The following LAMA2 variants were observed in gnomAD, a reference collection of about 807,000 sequenced individuals.
The protein encoded by LAMA2 is laminin subunit alpha-2.
In LAMA2, 269 loss-of-function variants were observed where a neutral mutation model predicts 364.8. The ratio of observed to expected loss-of-function variants is 0.74; its 90% CI spans 0.67 to 0.82. The LOEUF (loss-of-function observed/expected upper bound fraction) is 0.82. Among genes scored for constraint, LAMA2 ranks in the 40% least tolerant of loss-of-function variants. The probability of loss-of-function intolerance (pLI) is 0.00; values close to 1 mark genes in which losing one functional copy is unlikely to be tolerated. For missense variants in LAMA2, 3,807 were observed against 3,873.2 expected (o/e 0.98, Z 0.45); for synonymous variants, 1,379 against 1,370.6 (o/e 1.01, Z -0.14).
chr6:129,313,390 C>T (rs1003251953), intron 23 of LAMA2, among the ~76,000 whole-genome samples: 1 of 152,018 alleles, frequency 6.6e-6, no homozygotes, highest in Admixed American at 6.6e-5. Flanking sequence ...AGATTTGCTT[C>T]GATAAGGACA....
chr6:129,328,201 C>T (rs770492467), intron 28 of LAMA2, 77 bp from the exon 29 acceptor site: 21 of 1,290,768 alleles, frequency 1.6e-5, no homozygotes, highest in Non-Finnish European at 2.2e-5. Context: ...TCTGTCTTTG[C>T]AGCCACTGAA....
chr6:128,995,324 T>C (rs1275639600), intron 1 of LAMA2, among the ~76,000 whole-genome samples: 4 of 152,170 alleles, frequency 2.6e-5, no homozygotes, highest in African/African-American at 9.7e-5. Context: ...TAGTACCTGA[T>C]AGGCAGTTTT....
chr6:129,406,808 G>A (rs529227211), intron 40 of LAMA2, among the ~76,000 whole-genome samples: 4 of 152,188 alleles, frequency 2.6e-5, no homozygotes, highest in East Asian at 1.9e-4. Flanking sequence ...ATTGACCCAC[G>A]CCATCACAAG....
At chr6:129,012,760 A>G (rs1318913565) in intron 1 of LAMA2, among the ~76,000 whole-genome samples, 1 of 152,344 alleles carries the variant, frequency 6.6e-6, no homozygotes, top group South Asian at 2.1e-4. Context: ...AAGAGAAAAT[A>G]ATTTTCAAAC....
At chr6:128,961,643 C>A (rs923310111) in intron 1 of LAMA2, among the ~76,000 whole-genome samples, 1 of 148,330 alleles carries the variant, frequency 6.7e-6, no homozygotes, top group African/African-American at 2.6e-5. Context: ...TTTATATTTG[C>A]TGGCGGCTGA....
intron 1 of LAMA2, among the ~76,000 whole-genome samples, chr6:129,010,271 A>G (rs1480296306): frequency 6.6e-6 from 1 of 152,226 alleles, no homozygotes; most frequent in East Asian, 1.9e-4. Context: ...AAAGAAGACC[A>G]TCTTCTCCCA....
chr6:129,145,385 A>G (rs771399334), intron 5 of LAMA2, among the ~76,000 whole-genome samples: 1 of 152,054 alleles, frequency 6.6e-6, no homozygotes, highest in Non-Finnish European at 1.5e-5. Context: ...CCCTTGTATT[A>G]TACCTCAACA....
intron 29 of LAMA2, among the ~76,000 whole-genome samples, chr6:129,334,898 T>C (rs905179033): frequency 5.9e-5 from 9 of 152,250 alleles, no homozygotes; most frequent in East Asian, 3.9e-4. Context: ...CATCTCCTAT[T>C]ACTATCACAC....
chr6:129,313,168 A>G, intron 23 of LAMA2, 71 bp downstream of exon 23: 1 of 941,894 alleles, frequency 1.1e-6, no homozygotes, highest in Non-Finnish European at 1.7e-6. Context: ...TTTTAACTTC[A>G]TTCAGTGTTT....
intron 4 of LAMA2, among the ~76,000 whole-genome samples, chr6:129,103,340 T>C (rs1775624418): frequency 2.0e-5 from 3 of 152,316 alleles, no homozygotes; most frequent in Non-Finnish European, 4.4e-5. Context: ...GTATGAAGAT[T>C]ATAGAGAATC....
At chr6:129,032,060 C>T (rs1363036355) in intron 1 of LAMA2, among the ~76,000 whole-genome samples, 4 of 152,164 alleles carry the variant, frequency 2.6e-5, no homozygotes, top group African/African-American at 9.7e-5. Flanking sequence ...TCAGGTGATC[C>T]TCCTGCCTCG....
At chr6:129,185,288 C>T (rs1194137856) in intron 10 of LAMA2, among the ~76,000 whole-genome samples, 1 of 151,746 alleles carries the variant, frequency 6.6e-6, no homozygotes, top group Non-Finnish European at 1.5e-5. Flanking sequence ...ACTATTTCTC[C>T]AGAGAAAAAC....
intron 32 of LAMA2, among the ~76,000 whole-genome samples, chr6:129,363,055 TC>T (rs1385636196): frequency 2.0e-5 from 3 of 152,298 alleles, no homozygotes; most frequent in African/African-American, 7.2e-5. Context: ...ACGCCTATGA[TC>T]CCAGCACTTG....
chr6:129,024,815 G>A (rs546828810), intron 1 of LAMA2, among the ~76,000 whole-genome samples: 2 of 152,222 alleles, frequency 1.3e-5, no homozygotes, highest in African/African-American at 4.8e-5. Flanking sequence ...CCAGCATGGT[G>A]GCATGCACAT....
chr6:129,319,371 G>T (rs1349384021), intron 27 of LAMA2, among the ~76,000 whole-genome samples: 1 of 152,118 alleles, frequency 6.6e-6, no homozygotes, highest in Non-Finnish European at 1.5e-5. Flanking sequence ...ATTTTAAAAA[G>T]TGGGGGGAAT....
intron 62 of LAMA2, among the ~76,000 whole-genome samples, chr6:129,508,784 G>A (rs1055353207): frequency 1.7e-4 from 26 of 152,162 alleles, no homozygotes; most frequent in African/African-American, 5.5e-4. Flanking sequence ...GGACACTTAG[G>A]TGGCTTCCAA....
intron 28 of LAMA2, among the ~76,000 whole-genome samples, chr6:129,321,652 G>A (rs1244302203): frequency 3.9e-5 from 6 of 152,190 alleles, no homozygotes; most frequent in Admixed American, 3.9e-4. Flanking sequence ...AGCACCTGGT[G>A]TGTAGATGAT....
At chr6:129,480,820 A>G (rs994178368) in intron 54 of LAMA2, among the ~76,000 whole-genome samples, 4 of 152,196 alleles carry the variant, frequency 2.6e-5, no homozygotes, top group African/African-American at 7.2e-5. Context: ...GGTCATACCC[A>G]TCTGTAAAAC....
chr6:129,454,912 C>T (rs557778568), intron 47 of LAMA2, among the ~76,000 whole-genome samples: 2 of 152,162 alleles, frequency 1.3e-5, no homozygotes, highest in East Asian at 3.9e-4. Context: ...CCTGTTAAAC[C>T]CAAAGCAGCT....
Sources: allele counts gnomAD v4.1 joint callset (sites outside exome capture counted in the v4.1 genomes callset), GRCh38; gene constraint gnomAD v4.1.1; transcripts MANE v1.5; gene names NCBI Gene and HGNC (gene_info 2026-07-23, HGNC 2026-07-21).